The following PLXNA4 variants were observed in gnomAD, a reference collection of about 807,000 sequenced individuals.
The protein encoded by PLXNA4 is plexin-A4.
PLXNA4 carries 44 observed loss-of-function variants against 191.8 expected under a neutral mutation model. That is an observed-to-expected ratio of 0.23 (90% CI 0.18 to 0.29). The LOEUF (loss-of-function observed/expected upper bound fraction) is 0.29. PLXNA4 is among the 10% of genes least tolerant of loss of function. The pLI is 1.00. For missense variants in PLXNA4, 1,800 were observed against 2,488.8 expected, an observed-to-expected ratio of 0.72 and a Z score of 5.89; for synonymous variants, 1,082 against 1,009.5, an observed-to-expected ratio of 1.07 and a Z score of -1.36.
intron 9 of PLXNA4, among the ~76,000 whole-genome samples, chr7:132,218,159 G>T (rs577097566): frequency 6.6e-6 from 1 of 152,276 alleles, no homozygotes; most frequent in Admixed American, 6.5e-5. Context: ...TCTCGGCCTT[G>T]CCGGCTCTTC....
At chr7:132,380,695 A>G (rs948703494) in intron 3 of PLXNA4, among the ~76,000 whole-genome samples, 20 of 152,208 alleles carry the variant, frequency 1.3e-4, no homozygotes, top group Non-Finnish European at 1.9e-4. Flanking sequence ...CAGATTGTGC[A>G]TGGCAAAGTC....
At chr7:132,381,776 G>C (rs1273790940) in intron 3 of PLXNA4, among the ~76,000 whole-genome samples, 1 of 152,204 alleles carries the variant, frequency 6.6e-6, no homozygotes, top group Non-Finnish European at 1.5e-5. Flanking sequence ...CAGGGCTGAG[G>C]CTTTAATGGA....
chr7:132,294,442 G>C (rs1801003742), intron 4 of PLXNA4, among the ~76,000 whole-genome samples: 1 of 152,172 alleles, frequency 6.6e-6, no homozygotes, highest in African/African-American at 2.4e-5. Flanking sequence ...GTCTTCATAG[G>C]CACTTTGGTC....
At chr7:132,444,112 T>C (rs1408830920) in intron 3 of PLXNA4, among the ~76,000 whole-genome samples, 5 of 152,272 alleles carry the variant, frequency 3.3e-5, no homozygotes, top group African/African-American at 1.2e-4. Context: ...TAATACCCTT[T>C]TCTAGAATCT....
rs552806339 is a variant in PLXNA4, at chr7:132,386,311, C to T, written c.1372-88089G>A. Among the ~76,000 whole-genome samples, 5 of 152,350 alleles carry T rather than the reference C, an allele frequency of 3.3e-5. No individual in the cohort carries two copies. In the East Asian group the frequency reaches 9.6e-4, roughly 29 times the overall value. ...CAGGGAGAACACCGGGCTGTGTTTG[C>T]ATCTCTGACCACTCCCCCAGCAGTC... On this transcript the variant is annotated intron_variant, in intron 3 of 31. Transcript: ENST00000321063.
At position 132,445,461 on chromosome 7, in the gene PLXNA4, C is replaced by G. The variant is rs529657440; in HGVS notation, c.1371+43831G>C. ...CTGTGGGTCTTCCCCCTGAAAGCATCTCACACAACACATCTAGTTGCCTAC... is the reference window on the plus strand; with the variant it reads ...CTGTGGGTCTTCCCCCTGAAAGCATGTCACACAACACATCTAGTTGCCTAC... On this transcript the variant is annotated intron_variant, in intron 3 of 31. Coordinates refer to ENST00000321063, the MANE Select transcript of PLXNA4 (RefSeq NM_020911.2). Among the ~76,000 whole-genome samples, 10 of 151,738 alleles carry G rather than the reference C, an allele frequency of 6.6e-5. No individual in the cohort carries two copies. The South Asian group carries it at 1.9e-3, about 29-fold the overall frequency.
rs139250180 is a variant in PLXNA4, at chr7:132,508,427, G to T, written c.267C>A (p.Asp89Glu). ...KVLVTHETGP[D>E]EDNPKCYPPR... ...GTGGGTAACACTTGGGGTTGTCCTCGTCCGGCCCTGTCTCATGCGTCACCA... is the reference window on the plus strand; with the variant it reads ...GTGGGTAACACTTGGGGTTGTCCTCTTCCGGCCCTGTCTCATGCGTCACCA... The change falls in exon 2 of 32, where the codon GAC (aspartate) becomes GAA (glutamate). Residue 89 changes from aspartate to glutamate, a missense_variant. Physicochemically the swap from Asp to Glu is conservative, Grantham distance 45. Coordinates refer to ENST00000321063, the MANE Select transcript of PLXNA4 (RefSeq NM_020911.2). This position sits in a 1 kb window ranked among gnomAD's most constrained non-coding sequence, Gnocchi z 4.4. 6.2e-7 allele frequency: 1 copy of T among 1,614,048 alleles called. No individual in the cohort carries two copies.
chr7:132,319,247 C>T (rs1012640457), intron 3 of PLXNA4, among the ~76,000 whole-genome samples: 4 of 152,172 alleles, frequency 2.6e-5, no homozygotes, highest in African/African-American at 9.6e-5. Flanking sequence ...ATGCAGCTTC[C>T]CAGGCCCTGT....
rs181269291 is a variant in PLXNA4, at chr7:132,528,557, C to T, written c.-86-19778G>A. ...TGAGTTTAGGAACAGCCATGCCACC[C>T]AAGCCTGATGAATGGGACTGAATGA... On this transcript the variant is annotated intron_variant, in intron 1 of 31. Transcript: ENST00000321063. 7.9e-5 allele frequency among the ~76,000 whole-genome samples: 12 copies of T among 152,330 alleles called. No homozygotes were observed. In the East Asian group the frequency reaches 2.1e-3, roughly 27 times the overall value.
At chr7:132,595,210 G>T (rs552383081) in intron 2 of PLXNA4, among the ~76,000 whole-genome samples, 6 of 152,164 alleles carry the variant, frequency 3.9e-5, no homozygotes, top group African/African-American at 1.2e-4. Flanking sequence ...GCACCCAGCA[G>T]TGATGTCCAA....
chr7:132,201,713 C>A lies in PLXNA4; in HGVS notation c.2586+933G>T, dbSNP rs549434263. Among the ~76,000 whole-genome samples the A allele has an allele frequency of 2.0e-3, 309 of 152,324 alleles. 3 individuals are homozygous for A. Among genetic ancestry groups the A allele is most frequent in the African/African-American group, 7.1e-3 (297 of 41,570 alleles). Reference sequence around the variant, plus strand: ...AGCATGTGGAGAGAGAGATGCAGCCCTCTTTTTTATTTTAAGAGGGAGCAA... The same window carrying A: ...AGCATGTGGAGAGAGAGATGCAGCCATCTTTTTTATTTTAAGAGGGAGCAA... On this transcript the variant is annotated intron_variant, in intron 12 of 31. Coordinates refer to ENST00000321063, the MANE Select transcript of PLXNA4 (RefSeq NM_020911.2).
chr7:132,585,905 G>C (rs1448095026), intron 2 of PLXNA4, among the ~76,000 whole-genome samples: 1 of 152,214 alleles, frequency 6.6e-6, no homozygotes, highest in African/African-American at 2.4e-5. Context: ...TACGAATTGA[G>C]AGTGGGATGA....
At chr7:132,218,323 C>G (rs1342637837) in intron 9 of PLXNA4, among the ~76,000 whole-genome samples, 2 of 152,174 alleles carry the variant, frequency 1.3e-5, no homozygotes, top group Admixed American at 6.5e-5. Context: ...TCTGATCTTA[C>G]AACTATTCTC....
intron 2 of PLXNA4, among the ~76,000 whole-genome samples, chr7:132,595,406 G>A (rs1395640123): frequency 1.3e-5 from 2 of 152,170 alleles, no homozygotes; most frequent in African/African-American, 2.4e-5. Flanking sequence ...CTGGCTGCCT[G>A]ACTATTCATC....
intron 3 of PLXNA4, among the ~76,000 whole-genome samples, chr7:132,428,766 A>AT (rs946203183): frequency 2.6e-5 from 4 of 152,240 alleles, no homozygotes; most frequent in African/African-American, 9.6e-5. Flanking sequence ...CCTGTCTGCA[A>AT]TTGTTTCCAA....
intron 3 of PLXNA4, among the ~76,000 whole-genome samples, chr7:132,412,610 T>C (rs749572214): frequency 5.9e-5 from 9 of 152,216 alleles, no homozygotes; most frequent in African/African-American, 9.6e-5. Flanking sequence ...TGGAGGCGAT[T>C]ATGAGGCAGT....
intron 4 of PLXNA4, among the ~76,000 whole-genome samples, chr7:132,264,824 A>G (rs962219699): frequency 9.2e-5 from 14 of 151,952 alleles, no homozygotes; most frequent in Admixed American, 5.2e-4. Context: ...CAGCCTCCCA[A>G]GTAGCTGGGA....
At chr7:132,174,435 A>G (rs1380652256) in intron 21 of PLXNA4, among the ~76,000 whole-genome samples, 2 of 152,180 alleles carry the variant, frequency 1.3e-5, no homozygotes, top group Admixed American at 1.3e-4. Flanking sequence ...TGGACCCTTA[A>G]CCAAAGGTCC....
At chr7:132,407,678 T>C (rs1794279915) in intron 3 of PLXNA4, among the ~76,000 whole-genome samples, 1 of 152,182 alleles carries the variant, frequency 6.6e-6, no homozygotes, top group Non-Finnish European at 1.5e-5. Context: ...TTGAGGGGCT[T>C]GTCCTAGTCA....
Sources: allele counts gnomAD v4.1 joint callset (sites outside exome capture counted in the v4.1 genomes callset), GRCh38; gene constraint gnomAD v4.1.1; non-coding constraint Gnocchi (gnomAD v3.1); transcripts MANE v1.5; gene names NCBI Gene and HGNC (gene_info 2026-07-23, HGNC 2026-07-21).